The following TAF3 variants were observed in gnomAD, a reference collection of about 807,000 sequenced individuals.
TAF3 encodes the protein transcription initiation factor TFIID subunit 3.
In TAF3, 7 loss-of-function variants were observed where a neutral mutation model predicts 80.6. That is an observed-to-expected ratio of 0.09 (90% CI 0.05 to 0.16). TAF3 has a LOEUF of 0.16. Ranked by LOEUF, TAF3 falls within the 10% of genes least tolerant of loss-of-function variation. The probability of loss-of-function intolerance (pLI) is 1.00; values close to 1 mark genes in which losing one functional copy is unlikely to be tolerated. For synonymous variants in TAF3, 444 were observed against 446.1 expected (o/e 1.00, Z 0.06); for missense variants, 921 against 1,140.2 (o/e 0.81, Z 2.77).
chr10:7,913,998 A>T (rs1474498780), intron 2 of TAF3, among the ~76,000 whole-genome samples: 1 of 152,228 alleles, frequency 6.6e-6, no homozygotes, highest in East Asian at 1.9e-4. Context: ...GGGAACCATG[A>T]TTGTTCAAAA....
intron 2 of TAF3, among the ~76,000 whole-genome samples, chr10:7,843,186 C>T (rs1286459916): frequency 1.3e-5 from 2 of 151,600 alleles, no homozygotes; most frequent in Admixed American, 6.6e-5. Context: ...TAGCTTACTG[C>T]AGCCTCAAAT....
At chr10:7,850,804 A>G (rs1487351361) in intron 2 of TAF3, among the ~76,000 whole-genome samples, 8 of 152,152 alleles carry the variant, frequency 5.3e-5, no homozygotes, top group Admixed American at 4.6e-4. Context: ...TTAGGGTTTC[A>G]GGTTTATTTT....
intron 2 of TAF3, among the ~76,000 whole-genome samples, chr10:7,904,613 T>TA (rs1304486853): frequency 3.3e-5 from 5 of 152,286 alleles, no homozygotes; most frequent in Admixed American, 6.5e-5. Context: ...GATTTGCTGA[T>TA]ACGTAGATAG....
intron 3 of TAF3, among the ~76,000 whole-genome samples, chr10:7,973,727 T>C (rs1489315379): frequency 6.6e-6 from 1 of 152,212 alleles, no homozygotes; most frequent in African/African-American, 2.4e-5. Flanking sequence ...GTTATATTTG[T>C]TTATTCTTCC....
At chr10:7,982,885 T>C (rs1831738948) in intron 4 of TAF3, among the ~76,000 whole-genome samples, 1 of 152,194 alleles carries the variant, frequency 6.6e-6, no homozygotes, top group Non-Finnish European at 1.5e-5. Context: ...GAGGAAAGCA[T>C]GAAAGAACAG....
chr10:7,832,368 A>C (rs1486649246), intron 2 of TAF3, among the ~76,000 whole-genome samples: 2 of 150,912 alleles, frequency 1.3e-5, no homozygotes, highest in Non-Finnish European at 2.9e-5. Context: ...CAAATGACAA[A>C]ATTTCCTTCT....
chr10:7,871,217 C>G (rs1437976061), intron 2 of TAF3, among the ~76,000 whole-genome samples: 1 of 151,898 alleles, frequency 6.6e-6, no homozygotes, highest in Non-Finnish European at 1.5e-5. Context: ...GTAAATCAGA[C>G]TTGCATATGT....
chr10:7,933,955 G>C (rs780633447), intron 2 of TAF3, among the ~76,000 whole-genome samples: 1 of 152,126 alleles, frequency 6.6e-6, no homozygotes, highest in Non-Finnish European at 1.5e-5. Flanking sequence ...TGACATGGTC[G>C]TCACCGCCTG....
At chr10:7,980,112 G>A (rs1003142966) in intron 4 of TAF3, among the ~76,000 whole-genome samples, 5 of 152,090 alleles carry the variant, frequency 3.3e-5, no homozygotes, top group Non-Finnish European at 7.4e-5. Context: ...ACACACCTTG[G>A]GGGGGAATAA....
At chr10:8,005,427 T>C (rs1295958643) in intron 4 of TAF3, among the ~76,000 whole-genome samples, 1 of 152,232 alleles carries the variant, frequency 6.6e-6, no homozygotes, top group African/African-American at 2.4e-5. Context: ...CTTTAAAGTA[T>C]CCTAGAACAC....
At chr10:7,975,970 A>T (rs1234985915) in intron 3 of TAF3, among the ~76,000 whole-genome samples, 2 of 152,180 alleles carry the variant, frequency 1.3e-5, no homozygotes, top group Non-Finnish European at 2.9e-5. Flanking sequence ...GAACCATCCC[A>T]CCAAAAATAC....
At chr10:7,966,693 A>G (rs1831574814) in intron 3 of TAF3, among the ~76,000 whole-genome samples, 1 of 152,206 alleles carries the variant, frequency 6.6e-6, no homozygotes, top group Non-Finnish European at 1.5e-5. Flanking sequence ...AGTTTTGTTC[A>G]TATGATAAAA....
chr10:7,830,066 T>C (rs1005077703), intron 2 of TAF3, among the ~76,000 whole-genome samples: 5 of 152,050 alleles, frequency 3.3e-5, no homozygotes, highest in African/African-American at 1.2e-4. Context: ...ATAACCTAGT[T>C]GGCAGATGGG....
chr10:7,950,656 A>G (rs892788947), intron 2 of TAF3, among the ~76,000 whole-genome samples: 1 of 152,318 alleles, frequency 6.6e-6, no homozygotes, highest in African/African-American at 2.4e-5. Context: ...TTATGCACAG[A>G]TTCTGTTTCT....
At chr10:7,919,666 T>A (rs1351761370) in intron 2 of TAF3, among the ~76,000 whole-genome samples, 1 of 152,110 alleles carries the variant, frequency 6.6e-6, no homozygotes, top group Non-Finnish European at 1.5e-5. Context: ...ACATATAACC[T>A]CCCATATACT....
chr10:7,957,024 A>G (rs1838142470), intron 2 of TAF3, among the ~76,000 whole-genome samples: 1 of 152,144 alleles, frequency 6.6e-6, no homozygotes. Context: ...TGAGAGTTTA[A>G]TCAATTATAA....
intron 5 of TAF3, among the ~76,000 whole-genome samples, chr10:8,011,394 C>T (rs1319244209): frequency 6.6e-6 from 1 of 152,164 alleles, no homozygotes; most frequent in Admixed American, 6.5e-5. Flanking sequence ...GCTGGGACCA[C>T]AGGCGTCTGC....
chr10:7,929,647 A>C (rs1334705526), intron 2 of TAF3, among the ~76,000 whole-genome samples: 1 of 152,168 alleles, frequency 6.6e-6, no homozygotes, highest in Non-Finnish European at 1.5e-5. Context: ...TGCACGTGTG[A>C]GCCACCGTGC....
intron 2 of TAF3, among the ~76,000 whole-genome samples, chr10:7,909,311 T>A (rs1837636048): frequency 6.6e-6 from 1 of 152,198 alleles, no homozygotes; most frequent in Admixed American, 6.5e-5. Context: ...TTGGTGTACA[T>A]GCACCCTAGT....
Sources: allele counts gnomAD v4.1 joint callset (sites outside exome capture counted in the v4.1 genomes callset), GRCh38; gene constraint gnomAD v4.1.1; transcripts MANE v1.5; gene names NCBI Gene and HGNC (gene_info 2026-07-23, HGNC 2026-07-21).